LAMB4: variants seen among roughly 807,000 people sequenced by gnomAD.
LAMB4 encodes the protein laminin subunit beta 4.
LAMB4 carries 196 observed loss-of-function variants against 199.2 expected under a neutral mutation model. That is an observed-to-expected ratio of 0.98 (90% CI 0.88 to 1.11). LAMB4 has a LOEUF of 1.11. LAMB4 is among the 50% of genes least tolerant of loss of function. The pLI is 0.00. For synonymous variants in LAMB4, 744 were observed against 770.6 expected (o/e 0.97, Z 0.57); for missense variants, 2,080 against 2,171.2 (o/e 0.96, Z 0.83).
chr7:108,121,483 C>T (rs1463094499), intron 2 of LAMB4, among the ~76,000 whole-genome samples: 2 of 152,164 alleles, frequency 1.3e-5, no homozygotes, highest in African/African-American at 4.8e-5. Flanking sequence ...GGCACGGTGG[C>T]TCACACCTGT....
At chr7:108,043,545 G>GTTTTGTTTTTTT (rs2035497765) in intron 29 of LAMB4, among the ~76,000 whole-genome samples, 1 of 56,002 alleles carries the variant, frequency 1.8e-5, no homozygotes, top group Admixed American at 1.9e-4. Context: ...TGGCTATGAT[G>GTTTTGTTTTTTT]TTTTTTTTTT....
chr7:108,104,267 A>G (rs2037919834), intron 9 of LAMB4, among the ~76,000 whole-genome samples: 1 of 148,964 alleles, frequency 6.7e-6, no homozygotes, highest in South Asian at 2.2e-4. Flanking sequence ...GCCACACAAC[A>G]TGCTTACTGT....
intron 29 of LAMB4, among the ~76,000 whole-genome samples, chr7:108,040,709 G>T (rs1330547486): frequency 1.3e-5 from 2 of 152,218 alleles, no homozygotes; most frequent in Non-Finnish European, 2.9e-5. Flanking sequence ...CTAGCCATAT[G>T]CAGAACGCTG....
At chr7:108,075,430 G>A (rs2036663470) in intron 17 of LAMB4, 1 of 152,126 alleles carries the variant, frequency 6.6e-6, no homozygotes, top group Non-Finnish European at 1.5e-5. Flanking sequence ...AGCAGCCATA[G>A]ATGATATATA....
intron 5 of LAMB4, among the ~76,000 whole-genome samples, chr7:108,108,947 CTG>C (rs1041780153): frequency 6.6e-6 from 1 of 151,920 alleles, no homozygotes; most frequent in African/African-American, 2.4e-5. Context: ...TTCCTTTTCT[CTG>C]TGTCTTCTAA....
At chr7:108,066,248 C>T in intron 20 of LAMB4, 121 bp downstream of exon 20, 1 of 749,576 alleles carries the variant, frequency 1.3e-6, no homozygotes, top group Non-Finnish European at 2.2e-6. Flanking sequence ...CTCTCCCCGA[C>T]CTATAACAGT....
intron 11 of LAMB4, among the ~76,000 whole-genome samples, chr7:108,097,204 A>T (rs951784527): frequency 5.9e-5 from 9 of 152,212 alleles, no homozygotes; most frequent in African/African-American, 2.2e-4. Context: ...CAAATAATCC[A>T]CAGTTCCTTA....
At position 108,079,670 on chromosome 7, in the gene LAMB4, G is replaced by C; in HGVS notation, c.1818C>G (p.Gly606=). The change falls in exon 15 of 34, where the codon GGC becomes GGG. Residue 606 remains glycine (G), a synonymous_variant. Transcript: ENST00000388781. ...PGFARVLPGA[G]LRFAVNNIPF... ...GAATGTTGTTGACAGCAAATCTCAA[G>C]CCAGCCCCAGGGAGAACCCTGGCAA... is the stretch of plus-strand genomic sequence containing the variant. The C allele has an allele frequency of 6.2e-7, 1 of 1,613,194 alleles. No individual in the cohort carries two copies. The highest frequency in any genetic ancestry group is 8.5e-7 in the Non-Finnish European group (1 of 1,179,694).
At chr7:108,061,967 A>G (rs1307123514) in intron 23 of LAMB4, among the ~76,000 whole-genome samples, 1 of 152,152 alleles carries the variant, frequency 6.6e-6, no homozygotes, top group Non-Finnish European at 1.5e-5. Context: ...TTCCAATTAA[A>G]TCCTGATCCC....
At chr7:108,012,551 T>C in the LAMB4 span, among the ~76,000 whole-genome samples, 1 of 152,196 alleles carries the variant, frequency 6.6e-6, no homozygotes. Context: ...GAAATACAAA[T>C]GTAAAGGTCT....
At chr7:108,129,811 G>A (rs1190038836) in intron 1 of LAMB4, among the ~76,000 whole-genome samples, 4 of 152,230 alleles carry the variant, frequency 2.6e-5, no homozygotes, top group Admixed American at 2.0e-4. Flanking sequence ...TTACAGGCAT[G>A]AGCCACCATG....
chr7:108,123,849 C>A (rs1180124351), intron 1 of LAMB4, among the ~76,000 whole-genome samples: 1 of 152,186 alleles, frequency 6.6e-6, no homozygotes, highest in African/African-American at 2.4e-5. Flanking sequence ...CTGGAGTCTC[C>A]TATAAAGCAA....
chr7:108,113,510 A>AAAATTAAGG (rs1264041256), intron 3 of LAMB4, among the ~76,000 whole-genome samples: 2 of 152,214 alleles, frequency 1.3e-5, no homozygotes, highest in Admixed American at 1.3e-4. Flanking sequence ...ATGCCTTTTG[A>AAAATTAAGG]AAATTAAGGC....
chr7:108,110,642 T>G (rs1405543399), intron 4 of LAMB4, among the ~76,000 whole-genome samples: 1 of 152,180 alleles, frequency 6.6e-6, no homozygotes, highest in East Asian at 1.9e-4. Flanking sequence ...TGAGAATCCT[T>G]GCTCTATGTC....
In LAMB4 at chr7:108,033,910, C is replaced by G. The variant is rs376540899; in HGVS notation, c.4818+298G>C. On this transcript the variant is annotated intron_variant, in intron 31 of 33. Transcript: ENST00000388781. ...AGATGCTCTGGCCTCATATCTACCA[C>G]TAATTAGCTGTGTGACCTTAGGCAG... 3.3e-5 allele frequency among the ~76,000 whole-genome samples: 5 copies of G among 152,194 alleles called. No individual in the cohort carries two copies. The East Asian group carries it at 5.8e-4, about 18-fold the overall frequency.
chr7:108,044,022 A>ATTTGC, intron 28 of LAMB4, 126 bp from the exon 29 acceptor site: 1 of 706,146 alleles, frequency 1.4e-6, no homozygotes, highest in Non-Finnish European at 2.2e-6. Flanking sequence ...AAGTCTAGAT[A>ATTTGC]AACCATAGAT....
chr7:108,067,103 C>A lies in LAMB4; in HGVS notation c.2447-503G>T, dbSNP rs572795578. ...TCCCTTGAGCCAATCTTCCCTGTGC[C>A]AAAATGTGATGCCAGTTTATGTGAT... On this transcript the variant is annotated intron_variant, in intron 19 of 33. Coordinates refer to ENST00000388781, the MANE Select transcript of LAMB4 (RefSeq NM_007356.3). Among the ~76,000 whole-genome samples, 41 of 152,134 alleles carry A rather than the reference C, an allele frequency of 2.7e-4. 1 individual carries two copies. The South Asian group carries it at 7.7e-3, about 28-fold the overall frequency.
At chr7:108,069,507 C>T (rs373492140) in intron 18 of LAMB4, among the ~76,000 whole-genome samples, 1 of 152,194 alleles carries the variant, frequency 6.6e-6, no homozygotes, top group Non-Finnish European at 1.5e-5. Context: ...ATAAATGCTG[C>T]TGCAAAGTTC....
intron 14 of LAMB4, among the ~76,000 whole-genome samples, chr7:108,082,301 G>C (rs1389323688): frequency 1.4e-5 from 2 of 142,466 alleles, no homozygotes; most frequent in African/African-American, 5.2e-5. Context: ...CTGCACTCCA[G>C]CCTGGGCGAA....
Sources: allele counts gnomAD v4.1 joint callset (sites outside exome capture counted in the v4.1 genomes callset), GRCh38; gene constraint gnomAD v4.1.1; transcripts MANE v1.5; gene names NCBI Gene and HGNC (gene_info 2026-07-23, HGNC 2026-07-21).